Variants in DCP1B observed in about 807,000 individuals in gnomAD.
The protein encoded by DCP1B is decapping mRNA 1B.
A neutral mutation model predicts 60.5 loss-of-function variants in DCP1B; 47 were observed. That is an observed-to-expected ratio of 0.78 (90% CI 0.61 to 0.99). The LOEUF is 0.99. Ranked by LOEUF, DCP1B falls within the 50% of genes least tolerant of loss-of-function variation. The probability of loss-of-function intolerance (pLI) is 0.00; values close to 1 mark genes in which losing one functional copy is unlikely to be tolerated. For synonymous variants in DCP1B, 267 were observed against 280.3 expected (o/e 0.95, Z 0.47); for missense variants, 725 against 756.8 (o/e 0.96, Z 0.49).
chr12:1,991,029 C>G, intron 3 of DCP1B: 1 of 433,310 alleles, frequency 2.3e-6, no homozygotes, highest in Non-Finnish European at 4.6e-6. Context: ...GTAAATAGAT[C>G]CATTCCCTTT....
rs752779502 is a variant in DCP1B, at chr12:1,962,292, C to T, written c.522+3266G>A. Among the ~76,000 whole-genome samples the T allele has an allele frequency of 6.6e-5, 10 of 152,106 alleles. No individual in the cohort carries two copies. Among genetic ancestry groups the T allele is most frequent in the Non-Finnish European group, 1.3e-4 (9 of 68,028 alleles). ...GATTGGTTAGTGTGCATATTAAAGG[C>T]GTGCTCCTGGCCAAGCCCTTTGCTA... is the stretch of plus-strand genomic sequence containing the variant. On this transcript the variant is annotated intron_variant, in intron 5 of 8. Transcript: ENST00000280665. The surrounding 1 kb of genome is among the most constrained non-coding windows in gnomAD (Gnocchi z 4.4).
chr12:1,983,786 T>C (rs2036843506), intron 3 of DCP1B, among the ~76,000 whole-genome samples: 1 of 152,064 alleles, frequency 6.6e-6, no homozygotes, highest in East Asian at 1.9e-4. Flanking sequence ...TTTTCTGTCC[T>C]CTTGCTCTAT....
At chr12:1,959,354 A>C (rs1433539505) in intron 5 of DCP1B, among the ~76,000 whole-genome samples, 1 of 152,246 alleles carries the variant, frequency 6.6e-6, no homozygotes, top group African/African-American at 2.4e-5. Context: ...ATTCATGTCC[A>C]AAGTAGATAA....
intron 7 of DCP1B, among the ~76,000 whole-genome samples, chr12:1,951,849 T>A (rs1303274407): frequency 1.3e-5 from 2 of 152,358 alleles, no homozygotes; most frequent in Admixed American, 1.3e-4. Flanking sequence ...GGTCAGTTGC[T>A]TGGCATTCCA....
rs368656414 is a variant in DCP1B, at chr12:1,953,322, C to T, written c.652-34G>A. ...AATAAAGATATCTGACATGAGTCTACAAACAATTTGGTTATATGAGGAAGT... is the reference window on the plus strand; with the variant it reads ...AATAAAGATATCTGACATGAGTCTATAAACAATTTGGTTATATGAGGAAGT... On this transcript the variant is annotated intron_variant, in intron 6 of 8. Transcript: ENST00000280665. 735 of 1,524,776 alleles carry T rather than the reference C, an allele frequency of 4.8e-4. 11 individuals carry two copies. In the Middle Eastern group the frequency reaches 0.012, roughly 24 times the overall value. 94.5% of individuals were successfully genotyped at this position (1,524,776 alleles called of 1,614,324 possible).
At chr12:1,991,556 T>G (rs2039425602) in intron 3 of DCP1B, 2 of 250,112 alleles carry the variant, frequency 8.0e-6, no homozygotes, top group South Asian at 4.6e-5. Flanking sequence ...TTTCCTTTTT[T>G]TTTTGCACTG....
At chr12:1,953,464 T>A (rs1201300336) in intron 6 of DCP1B, among the ~76,000 whole-genome samples, 176 bp from the exon 7 acceptor site, 1 of 152,088 alleles carries the variant, frequency 6.6e-6, no homozygotes, top group East Asian at 1.9e-4. Context: ...TGTCAAAAAT[T>A]TTCACAGCAT....
chr12:1,987,673 T>G (rs2038187793), intron 3 of DCP1B, among the ~76,000 whole-genome samples: 1 of 152,184 alleles, frequency 6.6e-6, no homozygotes, highest in Non-Finnish European at 1.5e-5. Flanking sequence ...AAAAATTGAC[T>G]GAAGAGGATT....
intron 3 of DCP1B, among the ~76,000 whole-genome samples, chr12:1,969,898 T>C (rs2031789881): frequency 6.6e-6 from 1 of 152,152 alleles, no homozygotes; most frequent in South Asian, 2.1e-4. Flanking sequence ...TTTCTTTCCT[T>C]GAAGACTGAC....
chr12:1,968,593 T>G (rs2031520687), intron 3 of DCP1B, among the ~76,000 whole-genome samples: 1 of 152,216 alleles, frequency 6.6e-6, no homozygotes, highest in African/African-American at 2.4e-5. Flanking sequence ...TTTGCACATT[T>G]CATAAACACA....
intron 1 of DCP1B, among the ~76,000 whole-genome samples, chr12:2,000,951 A>G (rs760294980): frequency 2.3e-4 from 35 of 151,968 alleles, no homozygotes; most frequent in Middle Eastern, 3.4e-3. Context: ...GCAGGAGAAT[A>G]GCTTGAACCC....
Position 1,965,541 on chromosome 12 carries a change from G to T in DCP1B, c.522+17C>A. 6.2e-7 allele frequency: 1 copy of T among 1,605,942 alleles called. No homozygotes were observed. Among genetic ancestry groups the T allele is most frequent in the Non-Finnish European group, 8.5e-7 (1 of 1,176,236 alleles). On this transcript the variant is annotated intron_variant, in intron 5 of 8. Transcript: ENST00000280665. ...AACTGAAGTGTGTATGTATCACAAG[G>T]AAGGGCAAACACTCACCTTTGTGTA...
At chr12:1,970,797 G>C (rs1191959488) in intron 3 of DCP1B, 2 of 218,822 alleles carry the variant, frequency 9.1e-6, no homozygotes, top group Non-Finnish European at 1.9e-5. Context: ...CATAGGCAGG[G>C]AGCAGAGCAG....
At chr12:1,975,516 C>T (rs909597870) in intron 3 of DCP1B, among the ~76,000 whole-genome samples, 5 of 152,080 alleles carry the variant, frequency 3.3e-5, no homozygotes, top group South Asian at 2.1e-4. Flanking sequence ...CTAAAAGATG[C>T]TTTCCTTATT....
Position 1,993,387 on chromosome 12 carries a change from C to T in DCP1B, c.196G>A (p.Ala66Thr). The stretch of plus-strand genomic sequence containing the variant: ...ATGGTGAATCCATGCTTTGGAGAAG[C>T]AGACCTAAAAATCACAAGGAGTCAG... ...EGTLFVYTRS[A>T]SPKHGFTIMN... Residue 66 changes from alanine (A) to threonine (T), a missense_variant, in exon 3 of 9, where the codon GCT becomes ACT. Transcript: ENST00000280665. 1.2e-6 allele frequency: 2 copies of T among 1,609,782 alleles called. No individual in the cohort carries two copies. Among genetic ancestry groups the T allele is most frequent in the East Asian group, 4.5e-5 (2 of 44,794 alleles).
downstream of DCP1B, among the ~76,000 whole-genome samples, chr12:1,943,924 TG>T (rs1270899733): frequency 6.6e-6 from 1 of 152,202 alleles, no homozygotes; most frequent in African/African-American, 2.4e-5. Flanking sequence ...AACATAGTAT[TG>T]GAAGTTCTGG....
At chr12:1,993,457 A>G (rs12813534) in intron 2 of DCP1B, 66 bp from the exon 3 acceptor site, 228,952 of 1,561,760 alleles carry the variant, frequency 0.15, 18,066 homozygotes, top group Admixed American at 0.22. Context: ...TATTTTCAGT[A>G]TAAGTACATT....
intron 1 of DCP1B, among the ~76,000 whole-genome samples, chr12:1,999,789 G>T (rs2041766292): frequency 6.6e-6 from 1 of 152,112 alleles, no homozygotes; most frequent in African/African-American, 2.4e-5. Flanking sequence ...TAACATAAAA[G>T]CATAGGTAAG....
At chr12:1,980,203 T>C (rs1298385960) in intron 3 of DCP1B, among the ~76,000 whole-genome samples, 1 of 152,170 alleles carries the variant, frequency 6.6e-6, no homozygotes, top group African/African-American at 2.4e-5. Context: ...AGCTCAAATT[T>C]GGAAATAATT....
Sources: allele counts gnomAD v4.1 joint callset (sites outside exome capture counted in the v4.1 genomes callset), GRCh38; gene constraint gnomAD v4.1.1; non-coding constraint Gnocchi (gnomAD v3.1); transcripts MANE v1.5; gene names NCBI Gene and HGNC (gene_info 2026-07-23, HGNC 2026-07-21).